Variants in CNTNAP5 observed in about 807,000 individuals in gnomAD.
CNTNAP5 encodes contactin associated protein family member 5.
A neutral mutation model predicts 150.2 loss-of-function variants in CNTNAP5; 72 were observed. The ratio of observed to expected loss-of-function variants is 0.48; its 90% confidence interval spans 0.40 to 0.58. CNTNAP5 has a LOEUF of 0.58. Among genes scored for constraint, CNTNAP5 ranks in the 20% least tolerant of loss-of-function variants. CNTNAP5 has a pLI of 0.00. For synonymous variants in CNTNAP5, 672 were observed against 619.8 expected (o/e 1.08, Z -1.25); for missense variants, 1,636 against 1,626.2 (o/e 1.01, Z -0.10).
chr2:124,866,073 C>G (rs957736029), intron 20 of CNTNAP5, among the ~76,000 whole-genome samples: 1 of 151,642 alleles, frequency 6.6e-6, no homozygotes, highest in Non-Finnish European at 1.5e-5. Context: ...ACTAGCCTGG[C>G]CAACATGGCA....
intron 10 of CNTNAP5, among the ~76,000 whole-genome samples, chr2:124,529,963 A>C (rs370499692): frequency 1.3e-5 from 2 of 152,164 alleles, no homozygotes; most frequent in African/African-American, 4.8e-5. Flanking sequence ...GGCATCTTAC[A>C]TACTTAAACG....
intron 21 of CNTNAP5, among the ~76,000 whole-genome samples, chr2:124,870,644 G>A (rs996951965): frequency 6.6e-6 from 1 of 152,098 alleles, no homozygotes; most frequent in African/African-American, 2.4e-5. Flanking sequence ...GTACAATGCA[G>A]AAAACATTAA....
rs540814309 is a variant in CNTNAP5, at chr2:124,920,003, A to G, written c.*5715A>G. ...GAATAAGCATAACATAACTGTAAGA[A>G]GGAGTGTAGTGTCCCAGCCCTGACA... On this transcript the variant is annotated 3_prime_UTR_variant, in exon 24 of 24. Coordinates refer to ENST00000682447, the MANE Select transcript of CNTNAP5 (RefSeq NM_001367498.1). Among the ~76,000 whole-genome samples the G allele has an allele frequency of 5.3e-5, 8 of 152,196 alleles. No homozygotes were observed. The South Asian group carries it at 1.5e-3, about 28-fold the overall frequency.
chr2:124,461,784 C>T (rs1360095102), intron 6 of CNTNAP5, among the ~76,000 whole-genome samples: 1 of 150,640 alleles, frequency 6.6e-6, no homozygotes, highest in Non-Finnish European at 1.5e-5. Context: ...TGGAAACCAC[C>T]CAGGAGGTGG....
chr2:124,433,119 A>C (rs916413449), intron 4 of CNTNAP5, among the ~76,000 whole-genome samples: 5 of 152,200 alleles, frequency 3.3e-5, no homozygotes, highest in African/African-American at 1.2e-4. Flanking sequence ...TATGTTATCT[A>C]TACCACAGTC....
At chr2:124,124,034 C>T (rs773699717) in intron 1 of CNTNAP5, among the ~76,000 whole-genome samples, 14 of 152,236 alleles carry the variant, frequency 9.2e-5, no homozygotes, top group East Asian at 3.9e-4. Flanking sequence ...TCTCCAGCAA[C>T]GGAACAAAGC....
intron 1 of CNTNAP5, among the ~76,000 whole-genome samples, chr2:124,134,784 T>A (rs4297886): frequency 0.99 from 150,244 of 152,278 alleles, 74,159 homozygotes; most frequent in South Asian, 1. Flanking sequence ...TTCTGACCTG[T>A]CCATTCCCCA....
chr2:124,507,794 A>G (rs1694449740), intron 8 of CNTNAP5, among the ~76,000 whole-genome samples: 1 of 152,210 alleles, frequency 6.6e-6, no homozygotes, highest in Non-Finnish European at 1.5e-5. Context: ...CTCTCAAAAT[A>G]TGTCAAAGAA....
intron 10 of CNTNAP5, among the ~76,000 whole-genome samples, chr2:124,554,676 C>T (rs1695711284): frequency 6.6e-6 from 1 of 152,130 alleles, no homozygotes. Flanking sequence ...CCTGCCTCGG[C>T]CTCCTAAAGG....
chr2:124,730,473 T>C (rs1013082680), intron 13 of CNTNAP5, among the ~76,000 whole-genome samples: 2 of 152,036 alleles, frequency 1.3e-5, no homozygotes, highest in Admixed American at 6.6e-5. Flanking sequence ...CTTAAGTAGA[T>C]TACAGTCAAC....
chr2:124,897,588 A>T (rs190444061), intron 21 of CNTNAP5, among the ~76,000 whole-genome samples: 1 of 151,554 alleles, frequency 6.6e-6, no homozygotes, highest in African/African-American at 2.4e-5. Flanking sequence ...TTGGATGTGT[A>T]GCTGGGAGAC....
chr2:124,295,072 C>T (rs1286140529), intron 3 of CNTNAP5, among the ~76,000 whole-genome samples: 1 of 152,120 alleles, frequency 6.6e-6, no homozygotes, highest in Non-Finnish European at 1.5e-5. Flanking sequence ...TGCCACTGCA[C>T]TCCAGCCTGG....
chr2:124,366,354 T>C (rs1341446623), intron 3 of CNTNAP5, among the ~76,000 whole-genome samples: 1 of 152,204 alleles, frequency 6.6e-6, no homozygotes, highest in Non-Finnish European at 1.5e-5. Flanking sequence ...TTCCTTCTTG[T>C]TTTTAATCTT....
At chr2:124,788,922 CATG>C (rs1681658515) in intron 17 of CNTNAP5, among the ~76,000 whole-genome samples, 1 of 152,166 alleles carries the variant, frequency 6.6e-6, no homozygotes, top group Non-Finnish European at 1.5e-5. Flanking sequence ...CATGTACCAC[CATG>C]CCTGGCCTAT....
At chr2:124,026,859 C>G (rs1002527613) in intron 1 of CNTNAP5, among the ~76,000 whole-genome samples, 5 of 152,214 alleles carry the variant, frequency 3.3e-5, no homozygotes, top group Non-Finnish European at 7.3e-5. Context: ...CTACCTCACT[C>G]TCCACCCAGT....
intron 1 of CNTNAP5, among the ~76,000 whole-genome samples, chr2:124,190,383 A>G (rs1255414742): frequency 1.3e-5 from 2 of 152,114 alleles, no homozygotes; most frequent in Admixed American, 6.6e-5. Context: ...GGAGGAGGAG[A>G]TGAGTGCGTG....
intron 10 of CNTNAP5, among the ~76,000 whole-genome samples, chr2:124,550,946 G>T (rs1401665500): frequency 1.3e-5 from 2 of 152,144 alleles, no homozygotes; most frequent in African/African-American, 2.4e-5. Context: ...TAGTATGCAT[G>T]ATGCTGATAC....
At chr2:124,436,206 T>C (rs1692527540) in intron 5 of CNTNAP5, among the ~76,000 whole-genome samples, 1 of 152,192 alleles carries the variant, frequency 6.6e-6, no homozygotes, top group Admixed American at 6.5e-5. Flanking sequence ...ACTGATAACA[T>C]TGTGAAATAT....
chr2:124,654,046 A>G (rs909718406), intron 13 of CNTNAP5, among the ~76,000 whole-genome samples: 2 of 151,906 alleles, frequency 1.3e-5, no homozygotes, highest in African/African-American at 2.4e-5. Context: ...AAGTCCTCCC[A>G]GTGTGCAGGA....
Sources: gnomAD v4.1 joint callset for allele counts (sites outside exome capture counted in the v4.1 genomes callset) on GRCh38, gnomAD v4.1.1 for gene constraint, MANE v1.5 for transcripts, NCBI Gene and HGNC (gene_info 2026-07-23, HGNC 2026-07-21) for gene names.